Variants in HTR1F observed in about 807,000 individuals in gnomAD.
The protein encoded by HTR1F is 5-hydroxytryptamine receptor 1F, also known as 5-hydroxytryptamine (serotonin) receptor 1F, G protein-coupled.
Under a neutral mutation model 24.0 loss-of-function variants are expected in HTR1F, and 17 were observed. That is an observed-to-expected ratio of 0.71 (90% CI 0.48 to 1.06). The LOEUF (loss-of-function observed/expected upper bound fraction) is 1.06, where lower values mean the gene tolerates loss of function less well. Among genes scored for constraint, HTR1F ranks in the 50% least tolerant of loss-of-function variants. The pLI, the probability that HTR1F is intolerant of heterozygous loss-of-function variation, is 0.00. For synonymous variants in HTR1F, 186 were observed against 156.8 expected, an observed-to-expected ratio of 1.19 and a Z score of -1.39; for missense variants, 391 against 427.8, an observed-to-expected ratio of 0.91 and a Z score of 0.76.
rs191646418 is a variant in HTR1F at position 87,979,184 on chromosome 3, T to C, written c.-42-11524T>C. Among the ~76,000 whole-genome samples, 5 of 149,856 alleles carry C rather than the reference T, an allele frequency of 3.3e-5. No homozygotes were observed. In the East Asian group the frequency reaches 9.9e-4, roughly 30 times the overall value. On this transcript the variant is annotated intron_variant, in intron 2 of 2. Transcript: ENST00000319595. ...TGAGGGTCTTAGTGCTACACCCTAA[T>C]CGGCAGTCAGGGACTGAAGTCAGTC... is the stretch of plus-strand genomic sequence containing the variant.
At chr3:87,926,457 A>T (rs1393915) in intron 2 of HTR1F, among the ~76,000 whole-genome samples, 44,459 of 152,054 alleles carry the variant, frequency 0.29, 7,513 homozygotes, top group African/African-American at 0.47. Context: ...TAGTCTAAAG[A>T]TTCATTTATT....
intron 2 of HTR1F, among the ~76,000 whole-genome samples, chr3:87,921,976 T>G (rs1704021236): frequency 6.6e-6 from 1 of 152,006 alleles, no homozygotes; most frequent in Non-Finnish European, 1.5e-5. Context: ...GTGAATAGTG[T>G]TGCAATTAAC....
intron 2 of HTR1F, among the ~76,000 whole-genome samples, chr3:87,929,533 C>T (rs1294139996): frequency 6.6e-6 from 1 of 152,046 alleles, no homozygotes; most frequent in South Asian, 2.1e-4. Context: ...GCCAGTTATC[C>T]CAGCATCATT....
chr3:87,908,094 T>C (rs1703704250), intron 2 of HTR1F, among the ~76,000 whole-genome samples: 1 of 152,014 alleles, frequency 6.6e-6, no homozygotes, highest in African/African-American at 2.4e-5. Context: ...TACCAACACA[T>C]ATAGAACATA....
intron 1 of HTR1F, among the ~76,000 whole-genome samples, chr3:87,806,005 A>G (rs1409282981): frequency 1.3e-5 from 2 of 152,046 alleles, no homozygotes; most frequent in Non-Finnish European, 2.9e-5. Context: ...GAGTAAGAAC[A>G]TGTGAAATTT....
chr3:87,880,984 T>C (rs1705780999), intron 2 of HTR1F, among the ~76,000 whole-genome samples: 1 of 152,160 alleles, frequency 6.6e-6, no homozygotes, highest in African/African-American at 2.4e-5. Flanking sequence ...CAGGAACAGC[T>C]CCAGTCTGCA....
At chr3:87,864,826 G>A (rs1386134632) in intron 2 of HTR1F, among the ~76,000 whole-genome samples, 1 of 151,146 alleles carries the variant, frequency 6.6e-6, no homozygotes, top group Non-Finnish European at 1.5e-5. Flanking sequence ...AACCTGGGAG[G>A]CAAAGGTTGC....
chr3:87,954,043 G>A (rs1281444205), intron 2 of HTR1F, among the ~76,000 whole-genome samples: 2 of 151,746 alleles, frequency 1.3e-5, no homozygotes, highest in Admixed American at 1.3e-4. Flanking sequence ...TGGGTGGCGA[G>A]GTGGTGGGCA....
intron 2 of HTR1F, among the ~76,000 whole-genome samples, chr3:87,845,803 C>A (rs1320106871): frequency 1.3e-5 from 2 of 151,960 alleles, no homozygotes; most frequent in Non-Finnish European, 2.9e-5. Context: ...TATTACCATG[C>A]ATTGCTCAAG....
chr3:87,960,461 T>C (rs1705037217), intron 2 of HTR1F, among the ~76,000 whole-genome samples: 1 of 151,944 alleles, frequency 6.6e-6, no homozygotes, highest in Non-Finnish European at 1.5e-5. Context: ...AAATTGACTT[T>C]AAGTGGATTT....
intron 2 of HTR1F, among the ~76,000 whole-genome samples, chr3:87,833,905 A>G (rs956767003): frequency 3.9e-5 from 6 of 152,158 alleles, no homozygotes; most frequent in African/African-American, 1.2e-4. Context: ...ATTGACTTCC[A>G]TTTTTAATAA....
chr3:87,905,520 C>T (rs1703645270), intron 2 of HTR1F, among the ~76,000 whole-genome samples: 1 of 151,990 alleles, frequency 6.6e-6, no homozygotes, highest in Admixed American at 6.6e-5. Flanking sequence ...CTTGGTGCAG[C>T]CTGCACAAAG....
At chr3:87,931,290 C>G (rs1027941951) in intron 2 of HTR1F, among the ~76,000 whole-genome samples, 1 of 151,610 alleles carries the variant, frequency 6.6e-6, no homozygotes, top group Non-Finnish European at 1.5e-5. Flanking sequence ...TGAGTGAGAA[C>G]ATGCGGTGTT....
chr3:87,823,531 T>C (rs1183056737), intron 2 of HTR1F, among the ~76,000 whole-genome samples: 5 of 151,422 alleles, frequency 3.3e-5, no homozygotes, highest in African/African-American at 1.2e-4. Flanking sequence ...TTTTTTTTTT[T>C]TGAGACACGG....
intron 2 of HTR1F, among the ~76,000 whole-genome samples, chr3:87,922,714 G>T (rs1460603005): frequency 6.6e-6 from 1 of 151,884 alleles, no homozygotes; most frequent in Non-Finnish European, 1.5e-5. Flanking sequence ...GGGAGAGATG[G>T]GGTGTAGTTT....
chr3:87,863,450 T>G (rs1010312482), intron 2 of HTR1F, among the ~76,000 whole-genome samples: 11 of 152,236 alleles, frequency 7.2e-5, no homozygotes, highest in Non-Finnish European at 1.5e-4. Context: ...TTGGATGAGA[T>G]AGCCTCAGCT....
chr3:87,902,149 A>T (rs1454136677), intron 2 of HTR1F, among the ~76,000 whole-genome samples: 1 of 152,166 alleles, frequency 6.6e-6, no homozygotes, highest in Non-Finnish European at 1.5e-5. Context: ...AAAACCAGAC[A>T]TCTTAAATGA....
chr3:87,840,532 C>G (rs1704779336), intron 2 of HTR1F, among the ~76,000 whole-genome samples: 1 of 152,028 alleles, frequency 6.6e-6, no homozygotes, highest in Non-Finnish European at 1.5e-5. Flanking sequence ...TTCTGGAAAA[C>G]AGTACAAAGC....
At chr3:87,914,400 G>A (rs1464739012) in intron 2 of HTR1F, among the ~76,000 whole-genome samples, 1 of 152,160 alleles carries the variant, frequency 6.6e-6, no homozygotes, top group African/African-American at 2.4e-5. Flanking sequence ...ATGGGCAGGG[G>A]AAGAATCAAA....
Sources: allele counts gnomAD v4.1 joint callset (sites outside exome capture counted in the v4.1 genomes callset), GRCh38; gene constraint gnomAD v4.1.1; transcripts MANE v1.5; gene names NCBI Gene and HGNC (gene_info 2026-07-23, HGNC 2026-07-21).